TMLHE: variants seen among roughly 807,000 people sequenced by gnomAD.
The protein encoded by TMLHE is trimethyllysine hydroxylase, epsilon.
In TMLHE, 18 loss-of-function variants were observed where a neutral mutation model predicts 25.7. The ratio of observed to expected loss-of-function variants is 0.70; its 90% confidence interval spans 0.48 to 1.04. TMLHE has a LOEUF of 1.04. TMLHE is among the 50% of genes least tolerant of loss of function. The pLI, the probability that TMLHE is intolerant of heterozygous loss-of-function variation, is 0.00. For synonymous variants in TMLHE, 105 were observed against 97.0 expected, an observed-to-expected ratio of 1.08 and a Z score of -0.49; for missense variants, 236 against 259.0, an observed-to-expected ratio of 0.91 and a Z score of 0.61.
intron 2 of TMLHE, among the ~76,000 whole-genome samples, chrX:155,524,917 G>C (rs1349417130): frequency 8.9e-6 from 1 of 112,011 alleles, no homozygotes; most frequent in East Asian, 2.8e-4. Flanking sequence ...AAAAGTCATT[G>C]AGGAAAAAAT....
chrX:155,568,897 GA>G (rs1203871622), intron 1 of TMLHE, among the ~76,000 whole-genome samples: 1 of 61,176 alleles, frequency 1.6e-5, no homozygotes, highest in African/African-American at 3.7e-5. Flanking sequence ...AAACAGAGCA[GA>G]AAAACTGGAA....
At chrX:155,525,548 C>T (rs111549224) in intron 2 of TMLHE, among the ~76,000 whole-genome samples, 1,962 of 111,910 alleles carry the variant, frequency 0.018, 53 homozygotes, top group African/African-American at 0.061. Flanking sequence ...CTGAAAATGT[C>T]GAAGCAACTT....
chrX:155,589,729 G>T (rs1263623270), intron 1 of TMLHE, among the ~76,000 whole-genome samples: 2 of 111,376 alleles, frequency 1.8e-5, no homozygotes, highest in African/African-American at 6.5e-5. Context: ...ATACCAGAGT[G>T]ACTACAGTTA....
chrX:155,552,600 C>G (rs1476915359), intron 1 of TMLHE, among the ~76,000 whole-genome samples: 1 of 109,963 alleles, frequency 9.1e-6, no homozygotes, highest in African/African-American at 3.4e-5. Flanking sequence ...TGCTTTCTCT[C>G]TCTTCTTTTG....
At chrX:155,583,403 T>C (rs2067644317) in intron 1 of TMLHE, among the ~76,000 whole-genome samples, 1 of 111,001 alleles carries the variant, frequency 9.0e-6, no homozygotes, top group East Asian at 2.9e-4. Flanking sequence ...TTCACTATCA[T>C]GAGAACAGCA....
intron 4 of TMLHE, among the ~76,000 whole-genome samples, chrX:155,512,843 T>C (rs782644862): frequency 1.8e-5 from 2 of 112,088 alleles, no homozygotes; most frequent in South Asian, 3.7e-4. Flanking sequence ...TGTACCATTG[T>C]TGTTGTGTCT....
chrX:155,548,440 A>G (rs1252815148), intron 1 of TMLHE, among the ~76,000 whole-genome samples: 1 of 111,901 alleles, frequency 8.9e-6, no homozygotes, highest in African/African-American at 3.3e-5. Flanking sequence ...AAGAATATTT[A>G]AAGACATCCT....
intron 1 of TMLHE, among the ~76,000 whole-genome samples, chrX:155,549,057 G>A (rs984328587): frequency 1.8e-5 from 2 of 111,254 alleles, no homozygotes; most frequent in South Asian, 7.4e-4. Context: ...ATTGCTAACA[G>A]TATACACAAT....
chrX:155,608,525 A>T (rs2067800866), intron 1 of TMLHE, among the ~76,000 whole-genome samples: 1 of 112,365 alleles, frequency 8.9e-6, no homozygotes, highest in Admixed American at 9.4e-5. Context: ...AGACATCAAA[A>T]GCAATGGCAA....
chrX:155,567,215 C>A (rs1172724238), intron 1 of TMLHE, among the ~76,000 whole-genome samples: 2 of 62,838 alleles, frequency 3.2e-5, no homozygotes, highest in African/African-American at 7.1e-5. Flanking sequence ...GGGCCAACTT[C>A]GATATCTTTA....
At chrX:155,533,014 C>T (rs185856574) in intron 2 of TMLHE, among the ~76,000 whole-genome samples, 181 of 111,761 alleles carry the variant, frequency 1.6e-3, no homozygotes, top group African/African-American at 5.7e-3. Flanking sequence ...AGATAAGTGG[C>T]TAAACATTAA....
At chrX:155,608,088 G>A (rs1254854162) in intron 1 of TMLHE, among the ~76,000 whole-genome samples, 1 of 111,808 alleles carries the variant, frequency 8.9e-6, no homozygotes, top group East Asian at 2.8e-4. Flanking sequence ...CCAAAAAGGA[G>A]CCCAAATAGC....
chrX:155,548,460 G>A (rs1177203776), intron 1 of TMLHE, among the ~76,000 whole-genome samples: 2 of 110,747 alleles, frequency 1.8e-5, no homozygotes, highest in Non-Finnish European at 3.8e-5. Context: ...TACAGGCTGG[G>A]CACGGTGGCT....
At chrX:155,609,963 C>T (rs1413845010) in intron 1 of TMLHE, among the ~76,000 whole-genome samples, 1 of 111,644 alleles carries the variant, frequency 9.0e-6, no homozygotes, top group African/African-American at 3.3e-5. Context: ...ATAGTACAGC[C>T]CCTTGGGAAA....
chrX:155,547,010 A>G (rs1557338772), intron 1 of TMLHE, among the ~76,000 whole-genome samples: 1 of 111,655 alleles, frequency 9.0e-6, no homozygotes, highest in Admixed American at 9.5e-5. Flanking sequence ...CAAAGAAAAA[A>G]AATTTCCAAC....
intron 2 of TMLHE, among the ~76,000 whole-genome samples, chrX:155,528,781 G>C (rs1159798790): frequency 9.0e-6 from 1 of 111,443 alleles, no homozygotes; most frequent in Non-Finnish European, 1.9e-5. Flanking sequence ...AAATTGTGCT[G>C]TGATGAACAT....
intron 1 of TMLHE, among the ~76,000 whole-genome samples, chrX:155,602,297 G>T (rs2067760592): frequency 9.0e-6 from 1 of 111,355 alleles, no homozygotes; most frequent in Admixed American, 9.5e-5. Context: ...GTAGAATAAA[G>T]GACAAAAACC....
At chrX:155,548,632 G>A (rs2067384161) in intron 1 of TMLHE, among the ~76,000 whole-genome samples, 1 of 108,582 alleles carries the variant, frequency 9.2e-6, no homozygotes, top group South Asian at 4.1e-4. Context: ...CTACTCAGGA[G>A]GCTGAGGCAG....
At chrX:155,549,684 T>C (rs969308267) in intron 1 of TMLHE, among the ~76,000 whole-genome samples, 19 of 110,281 alleles carry the variant, frequency 1.7e-4, no homozygotes, top group Admixed American at 9.6e-5. Flanking sequence ...CTGGTGTGTG[T>C]ATGTGTGTGT....
Sources: gnomAD v4.1 joint callset for allele counts (sites outside exome capture counted in the v4.1 genomes callset) on GRCh38, gnomAD v4.1.1 for gene constraint, MANE v1.5 for transcripts, NCBI Gene and HGNC (gene_info 2026-07-23, HGNC 2026-07-21) for gene names.